The following XPR1 variants were observed in gnomAD, a reference collection of about 807,000 sequenced individuals.
XPR1 encodes xenotropic and polytropic retrovirus receptor 1, also known as solute carrier family 53 member 1.
In XPR1, 28 loss-of-function variants were observed where a neutral mutation model predicts 87.5. The observed-to-expected ratio is 0.32, with a 90% CI of 0.24 to 0.44. The LOEUF (loss-of-function observed/expected upper bound fraction) is 0.44. Ranked by LOEUF, XPR1 falls within the 20% of genes least tolerant of loss-of-function variation. The pLI, the probability that XPR1 is intolerant of heterozygous loss-of-function variation, is 1.00. For missense variants in XPR1, 559 were observed against 862.3 expected, an observed-to-expected ratio of 0.65 and a Z score of 4.41; for synonymous variants, 300 against 306.1, an observed-to-expected ratio of 0.98 and a Z score of 0.21.
intron 6 of XPR1, among the ~76,000 whole-genome samples, chr1:180,810,170 T>G (rs1033778183): frequency 1.3e-5 from 2 of 152,106 alleles, no homozygotes; most frequent in African/African-American, 4.8e-5. Context: ...AAAAATCGCT[T>G]TCTAAATATA....
At chr1:180,852,096 C>T (rs1296721834) in intron 11 of XPR1, among the ~76,000 whole-genome samples, 1 of 151,564 alleles carries the variant, frequency 6.6e-6, no homozygotes, top group Non-Finnish European at 1.5e-5. Context: ...TACAATAGAA[C>T]ATGGAAGTGC....
At chr1:180,665,711 A>G (rs1655933917) in intron 1 of XPR1, among the ~76,000 whole-genome samples, 1 of 152,132 alleles carries the variant, frequency 6.6e-6, no homozygotes, top group Non-Finnish European at 1.5e-5. Context: ...TCTCTGTGCC[A>G]CACAGCTGGC....
In XPR1 at chr1:180,843,199, AATGTCCACATTTT is replaced by A. The variant is rs112805918; in HGVS notation, c.1501+6485_1501+6497del. On this transcript the variant is annotated intron_variant, in intron 11 of 14. Transcript: ENST00000367590. ...CCTGAGTAATAGACTGTTATGCCAA[AATGTCCACATTTT>A]AGTCTTCTTATGCTATAATAGAAAC... Among the ~76,000 whole-genome samples the A allele has an allele frequency of 1.6e-3, 249 of 152,300 alleles. 1 individual carries two copies. The highest frequency in any genetic ancestry group is 5.7e-3 in the African/African-American group (235 of 41,562).
chr1:180,757,337 GC>G (rs1169893498), intron 2 of XPR1, among the ~76,000 whole-genome samples: 1 of 152,032 alleles, frequency 6.6e-6, no homozygotes, highest in Admixed American at 6.5e-5. Flanking sequence ...AAATCCTTCT[GC>G]CTCTACAATA....
At chr1:180,833,651 C>T (rs1008716984) in intron 9 of XPR1, among the ~76,000 whole-genome samples, 1 of 145,018 alleles carries the variant, frequency 6.9e-6, no homozygotes, top group African/African-American at 2.9e-5. Flanking sequence ...AACTTAAAAA[C>T]AAGAACAAAG....
intron 2 of XPR1, among the ~76,000 whole-genome samples, chr1:180,760,244 G>C (rs879509038): frequency 2.0e-5 from 3 of 152,130 alleles, no homozygotes; most frequent in African/African-American, 4.8e-5. Context: ...ATTCAACATA[G>C]TGTTGGAAGT....
At chr1:180,814,261 C>G (rs1252658355) in intron 7 of XPR1, among the ~76,000 whole-genome samples, 1 of 152,130 alleles carries the variant, frequency 6.6e-6, no homozygotes, top group Non-Finnish European at 1.5e-5. Flanking sequence ...TACTAAAAAT[C>G]AACTCTAATA....
At chr1:180,757,444 C>CT (rs1470304761) in intron 2 of XPR1, among the ~76,000 whole-genome samples, 1 of 150,692 alleles carries the variant, frequency 6.6e-6, no homozygotes, top group African/African-American at 2.4e-5. Flanking sequence ...AAAGATGCAG[C>CT]TAATGCTATT....
intron 11 of XPR1, among the ~76,000 whole-genome samples, chr1:180,840,192 C>T (rs929186059): frequency 3.2e-4 from 47 of 145,180 alleles, no homozygotes; most frequent in African/African-American, 1.1e-3. Context: ...CACTGCAGTC[C>T]GCAGTCCGGC....
rs1409380450 is a variant in XPR1, at chr1:180,888,603, T to C, written c.*4537T>C. On this transcript the variant is annotated 3_prime_UTR_variant, in exon 15 of 15. Transcript: ENST00000367590. The stretch of plus-strand genomic sequence containing the variant: ...CAAAAGTTAGGTAAAGAAGAATAAA[T>C]CCAATTTATCAGCTTTGTTCATATT... The C allele has an allele frequency of 1.3e-5, 2 of 152,020 alleles. No individual in the cohort carries two copies. Among genetic ancestry groups the C allele is most frequent in the African/African-American group, 4.8e-5 (2 of 41,396 alleles). The allele number at this position is 152,020 out of a possible 1,614,324, so 9.4% of individuals were successfully genotyped here. A position where few individuals can be genotyped will look rare whatever the true frequency, so the allele number is the denominator to read the frequency against.
chr1:180,760,320 C>A (rs946912742), intron 2 of XPR1, among the ~76,000 whole-genome samples: 5 of 152,276 alleles, frequency 3.3e-5, no homozygotes, highest in Admixed American at 2.0e-4. Context: ...GAGGAAGTCA[C>A]ATTGTCGCTG....
chr1:180,710,633 CTA>C (rs1657730863), intron 2 of XPR1, among the ~76,000 whole-genome samples: 1 of 152,234 alleles, frequency 6.6e-6, no homozygotes, highest in African/African-American at 2.4e-5. Context: ...TCTGATTTCT[CTA>C]TCTTTTCCCC....
intron 2 of XPR1, among the ~76,000 whole-genome samples, chr1:180,696,204 G>GTATATA (rs1280091948): frequency 3.1e-3 from 317 of 102,278 alleles, no homozygotes; most frequent in Non-Finnish European, 4.4e-3. Context: ...GTGTGTGTGT[G>GTATATA]TGTGTATATA....
chr1:180,859,514 C>T (rs1184189217), intron 11 of XPR1, among the ~76,000 whole-genome samples: 1 of 152,030 alleles, frequency 6.6e-6, no homozygotes, highest in Non-Finnish European at 1.5e-5. Flanking sequence ...TAATATCTTT[C>T]CAGGACATCT....
At chr1:180,758,744 T>C (rs1647862823) in intron 2 of XPR1, 1 of 152,278 alleles carries the variant, frequency 6.6e-6, no homozygotes, top group Non-Finnish European at 1.5e-5. Context: ...GCAGCACATA[T>C]ACTAAAATTG....
chr1:180,826,369 G>A (rs540876426), intron 9 of XPR1, among the ~76,000 whole-genome samples: 3 of 152,060 alleles, frequency 2.0e-5, no homozygotes, highest in Non-Finnish European at 2.9e-5. Context: ...GGGCAACATG[G>A]TGTAAACCCT....
intron 14 of XPR1, among the ~76,000 whole-genome samples, 161 bp from the exon 15 acceptor site, chr1:180,883,845 A>G (rs907195273): frequency 1.3e-5 from 2 of 152,138 alleles, no homozygotes; most frequent in Non-Finnish European, 2.9e-5. Context: ...AGTATCTGAA[A>G]TTGAATAGGA....
chr1:180,691,107 G>C (rs1656979057), intron 2 of XPR1, among the ~76,000 whole-genome samples: 1 of 152,060 alleles, frequency 6.6e-6, no homozygotes, highest in African/African-American at 2.4e-5. Context: ...AGGAGCAGAT[G>C]ATACAAGATT....
intron 6 of XPR1, among the ~76,000 whole-genome samples, chr1:180,807,719 T>C (rs933059294): frequency 6.6e-6 from 1 of 152,136 alleles, no homozygotes; most frequent in Non-Finnish European, 1.5e-5. Flanking sequence ...AAAATTTATA[T>C]GGAGGCCAGG....
Sources: allele counts gnomAD v4.1 joint callset (sites outside exome capture counted in the v4.1 genomes callset), GRCh38; gene constraint gnomAD v4.1.1; transcripts MANE v1.5; gene names NCBI Gene and HGNC (gene_info 2026-07-23, HGNC 2026-07-21).